PHF24: variants seen among roughly 807,000 people sequenced by gnomAD.
PHF24 encodes PHD finger protein 24, also known as Galpha inhibitory interacting protein.
A neutral mutation model predicts 42.6 loss-of-function variants in PHF24; 25 were observed. That is an observed-to-expected ratio of 0.59 (90% confidence interval 0.43 to 0.82). PHF24 has a LOEUF of 0.82. Ranked by LOEUF, PHF24 falls within the 40% of genes least tolerant of loss-of-function variation. PHF24 has a pLI of 0.00. For missense variants in PHF24, 470 were observed against 538.1 expected (o/e 0.87, Z 1.25); for synonymous variants, 185 against 204.8 (o/e 0.90, Z 0.83).
the PHF24 span, among the ~76,000 whole-genome samples, chr9:34,880,286 C>T: frequency 2.0e-5 from 3 of 152,192 alleles, no homozygotes; most frequent in Admixed American, 6.5e-5. Flanking sequence ...GAAGAAACTG[C>T]ATCAACTAAC....
At chr9:34,976,389 G>C in intron 4 of PHF24, 146 bp from the exon 5 acceptor site, 1 of 1,025,770 alleles carries the variant, frequency 9.7e-7, no homozygotes, top group Non-Finnish European at 1.5e-6. Context: ...ACCTATCCCT[G>C]TCACAGCCTG....
chr9:34,930,947 G>T, the PHF24 span, among the ~76,000 whole-genome samples: 1 of 152,148 alleles, frequency 6.6e-6, no homozygotes, highest in Non-Finnish European at 1.5e-5. Context: ...GTTGGAAGTG[G>T]AGCCTGGTGG....
At chr9:34,692,566 ACT>A in the PHF24 span, among the ~76,000 whole-genome samples, 2 of 151,956 alleles carry the variant, frequency 1.3e-5, no homozygotes, top group East Asian at 1.9e-4. Flanking sequence ...GAGGAGGGAG[ACT>A]CTGCAGACAG....
At chr9:34,927,503 C>T in the PHF24 span, among the ~76,000 whole-genome samples, 1 of 152,164 alleles carries the variant, frequency 6.6e-6, no homozygotes, top group East Asian at 1.9e-4. Flanking sequence ...TGCTTGCATA[C>T]CCAGCAGCTC....
chr9:34,944,973 A>C, the PHF24 span, among the ~76,000 whole-genome samples: 106 of 152,266 alleles, frequency 7.0e-4, no homozygotes, highest in South Asian at 0.017. Context: ...TTAACTGTTA[A>C]TCGTCCTCTG....
the PHF24 span, among the ~76,000 whole-genome samples, chr9:34,831,630 C>G: frequency 1.6e-4 from 24 of 152,262 alleles, no homozygotes; most frequent in East Asian, 4.4e-3. Context: ...ACTGTCTTTT[C>G]TCTATTCTCA....
the PHF24 span, among the ~76,000 whole-genome samples, chr9:34,913,436 ACT>A: frequency 6.6e-6 from 1 of 152,162 alleles, no homozygotes. Context: ...ATTCAACTTA[ACT>A]CTATTGATAG....
rs959389352 is a variant in PHF24 at position 34,971,590 on chromosome 9, C to T, written c.292C>T (p.Arg98Ter). The change falls in exon 2 of 8, where the codon CGA becomes TGA. Residue 98 changes from arginine to a stop codon, truncating the protein, a stop_gained. Transcript: ENST00000242315. LOFTEE classifies it high-confidence loss of function. ...GCCTGAGGAGTTTGACAGGACAAGT[C>T]GATTCACACCCCCTGCGTTCATCCG... 7 of 1,613,908 alleles carry T rather than the reference C, an allele frequency of 4.3e-6. No homozygotes were observed. Among genetic ancestry groups the T allele is most frequent in the Non-Finnish European group, 5.9e-6 (7 of 1,180,010 alleles).
the PHF24 span, among the ~76,000 whole-genome samples, chr9:34,943,452 G>T: frequency 3.9e-5 from 6 of 152,152 alleles, no homozygotes; most frequent in Non-Finnish European, 8.8e-5. Context: ...CTCTGAGCCA[G>T]ATTTTAGCCA....
chr9:34,969,213 A>C (rs1392492874), intron 1 of PHF24, among the ~76,000 whole-genome samples: 1 of 152,238 alleles, frequency 6.6e-6, no homozygotes, highest in Non-Finnish European at 1.5e-5. Context: ...TGAAAGTTTT[A>C]ATCAGGGGAT....
chr9:34,715,973 G>T, the PHF24 span, among the ~76,000 whole-genome samples: 1 of 152,226 alleles, frequency 6.6e-6, no homozygotes, highest in African/African-American at 2.4e-5. Context: ...GCCAGGGAGG[G>T]GTATGGCGGG....
the PHF24 span, among the ~76,000 whole-genome samples, chr9:34,792,012 A>G: frequency 6.6e-6 from 1 of 152,242 alleles, no homozygotes; most frequent in South Asian, 2.1e-4. Context: ...TCTTTATTTA[A>G]GAAGGCATTT....
the PHF24 span, chr9:34,690,464 G>A: frequency 1.1e-6 from 1 of 913,708 alleles, no homozygotes; most frequent in Non-Finnish European, 1.7e-6. Context: ...GTGTGTGTGT[G>A]TGTGTCTGGT....
At chr9:34,697,839 T>G in the PHF24 span, among the ~76,000 whole-genome samples, 1 of 152,208 alleles carries the variant, frequency 6.6e-6, no homozygotes, top group Non-Finnish European at 1.5e-5. Flanking sequence ...GCTTCTTTAA[T>G]AGGCTAGACA....
chr9:34,793,305 C>T, the PHF24 span, among the ~76,000 whole-genome samples: 1 of 152,132 alleles, frequency 6.6e-6, no homozygotes. Flanking sequence ...ATTGTCAACC[C>T]CATGGATACA....
chr9:34,955,074 A>C (rs532109327), upstream of PHF24, among the ~76,000 whole-genome samples: 1 of 152,328 alleles, frequency 6.6e-6, no homozygotes, highest in African/African-American at 2.4e-5. Flanking sequence ...GTTTCTTGCT[A>C]TGTTGCCCAG....
At chr9:34,822,029 C>T in the PHF24 span, among the ~76,000 whole-genome samples, 1 of 152,164 alleles carries the variant, frequency 6.6e-6, no homozygotes, top group Non-Finnish European at 1.5e-5. Flanking sequence ...CCACTTATAG[C>T]CTAAAAACAT....
the PHF24 span, among the ~76,000 whole-genome samples, chr9:34,773,139 C>T: frequency 1.3e-5 from 2 of 152,076 alleles, no homozygotes; most frequent in Non-Finnish European, 2.9e-5. Flanking sequence ...TACAGGCATG[C>T]GACACCACGC....
At chr9:34,775,776 T>C in the PHF24 span, among the ~76,000 whole-genome samples, 9 of 152,206 alleles carry the variant, frequency 5.9e-5, 1 homozygote, top group Non-Finnish European at 1.5e-5. Flanking sequence ...TGAAAACATA[T>C]GTCCACACAA....
Sources: gnomAD v4.1 joint callset for allele counts (sites outside exome capture counted in the v4.1 genomes callset) on GRCh38, gnomAD v4.1.1 for gene constraint, MANE v1.5 for transcripts, NCBI Gene and HGNC (gene_info 2026-07-23, HGNC 2026-07-21) for gene names.